The following GYG2 variants were observed in gnomAD, a reference collection of about 807,000 sequenced individuals.
The protein encoded by GYG2 is glycogenin 2.
GYG2 carries 29 observed loss-of-function variants against 29.4 expected under a neutral mutation model. The ratio of observed to expected loss-of-function variants is 0.99; its 90% CI spans 0.74 to 1.35. The LOEUF is 1.35. Ranked by LOEUF, GYG2 falls within the 40% of genes most tolerant of loss-of-function variation. The pLI is 0.00. For synonymous variants in GYG2, 167 were observed against 172.3 expected, an observed-to-expected ratio of 0.97 and a Z score of 0.24; for missense variants, 370 against 385.7, an observed-to-expected ratio of 0.96 and a Z score of 0.34.
intron 2 of GYG2, among the ~76,000 whole-genome samples, chrX:2,838,820 T>C (rs1417897960): frequency 8.9e-6 from 1 of 111,890 alleles, no homozygotes; most frequent in Non-Finnish European, 1.9e-5. Context: ...AGTGATCTTT[T>C]CTATAGCATT....
intron 2 of GYG2, among the ~76,000 whole-genome samples, chrX:2,838,087 C>T (rs1304277576): frequency 1.8e-5 from 2 of 111,097 alleles, no homozygotes; most frequent in Non-Finnish European, 3.8e-5. Flanking sequence ...GAAACACATA[C>T]TGAAATAACT....
intron 5 of GYG2, 39 bp downstream of exon 5, chrX:2,855,194 C>T: frequency 1.8e-6 from 2 of 1,135,291 alleles, no homozygotes; most frequent in Non-Finnish European, 2.4e-6. Context: ...GTCTCTGTTG[C>T]ACACACTCAA....
intron 3 of GYG2, among the ~76,000 whole-genome samples, chrX:2,851,095 A>G (rs1038765383): frequency 8.9e-6 from 1 of 112,460 alleles, no homozygotes; most frequent in Admixed American, 9.4e-5. Context: ...GAAAATAAAC[A>G]TAAAATCCGG....
intron 2 of GYG2, among the ~76,000 whole-genome samples, chrX:2,831,829 A>G (rs1250188342): frequency 8.9e-6 from 1 of 112,132 alleles, no homozygotes; most frequent in Non-Finnish European, 1.9e-5. Flanking sequence ...AGGGGTAGAA[A>G]GAAACTGTTG....
At chrX:2,856,772 C>CTATG in intron 6 of GYG2, 148 bp downstream of exon 6, 1 of 391,620 alleles carries the variant, frequency 2.6e-6, no homozygotes, top group African/African-American at 3.0e-5. Flanking sequence ...ATCTATCTAT[C>CTATG]TATCTATCTA....
Position 2,882,574 on chromosome X carries a change from G to C in GYG2, c.*1361G>C, listed in dbSNP as rs2147291471. ...TGGGTGGTTAATAATCGTCAGTCTCGGAGGGCGAGGCTCGTAGGATATTTC... is the reference window on the plus strand; with the variant it reads ...TGGGTGGTTAATAATCGTCAGTCTCCGAGGGCGAGGCTCGTAGGATATTTC... On this transcript the variant is annotated 3_prime_UTR_variant, in exon 11 of 11. Transcript: ENST00000398806. The C allele has an allele frequency of 9.1e-6, 1 of 109,616 alleles. No homozygotes were observed. The highest frequency in any genetic ancestry group is 4.3e-4 in the South Asian group (1 of 2,345). 9.0% of individuals were successfully genotyped at this position (109,616 alleles called of 1,213,427 possible). A position where few individuals can be genotyped will look rare whatever the true frequency, so the allele number is the denominator to read the frequency against.
Position 2,844,574 on chromosome X carries a change from A to G in GYG2, c.149+1220A>G, listed in dbSNP as rs1164507557. 1.8e-4 allele frequency among the ~76,000 whole-genome samples: 13 copies of G among 71,427 alleles called. 1 individual carries two copies. Among genetic ancestry groups the G allele is most frequent in the South Asian group, 7.9e-4 (1 of 1,271 alleles). The allele number at this position is 71,427 out of a possible 115,157, so 62.0% of individuals were successfully genotyped here. Reference sequence around the variant, plus strand: ...CACGCATGCGTATATGTGTATACGCACACGCATGCGTATATGTGTATACGC... The same window carrying G: ...CACGCATGCGTATATGTGTATACGCGCACGCATGCGTATATGTGTATACGC... On this transcript the variant is annotated intron_variant, in intron 3 of 10. Transcript: ENST00000398806.
intron 2 of GYG2, among the ~76,000 whole-genome samples, chrX:2,840,369 G>C (rs1298909105): frequency 9.0e-6 from 1 of 111,604 alleles, no homozygotes; most frequent in Non-Finnish European, 1.9e-5. Flanking sequence ...CCGAATGCCT[G>C]CTTCCTCTCC....
At chrX:2,865,172 A>G (rs750902559) in intron 8 of GYG2, among the ~76,000 whole-genome samples, 58 of 111,500 alleles carry the variant, frequency 5.2e-4, no homozygotes, top group Non-Finnish European at 8.8e-4. Flanking sequence ...CAGCCCCTGG[A>G]GGGATTTCCA....
intron 2 of GYG2, among the ~76,000 whole-genome samples, chrX:2,842,553 C>T (rs189935748): frequency 2.3e-3 from 261 of 111,090 alleles, no homozygotes; most frequent in African/African-American, 8.3e-3. Context: ...GGTCATCAAG[C>T]CATCACTTCC....
Position 2,830,118 on chromosome X carries a change from G to T in GYG2, c.-71G>T. ...CGCCTCTGCTCTGCGGGTTCGTGGC[G>T]AGGAAGTCCACCCACTGCTCCCGGG... On this transcript the variant is annotated 5_prime_UTR_variant, in exon 2 of 11. Transcript: ENST00000398806. 3.6e-6 allele frequency: 4 copies of T among 1,107,467 alleles called. No individual in the cohort carries two copies. Among genetic ancestry groups the T allele is most frequent in the Middle Eastern group, 2.4e-4 (1 of 4,101 alleles). 91.3% of individuals were successfully genotyped at this position (1,107,467 alleles called of 1,213,427 possible).
At chrX:2,872,672 G>A (rs989788348) in intron 8 of GYG2, among the ~76,000 whole-genome samples, 8 of 112,316 alleles carry the variant, frequency 7.1e-5, no homozygotes, top group African/African-American at 2.3e-4. Flanking sequence ...TGTGTTTATC[G>A]TTGGGAGAAA....
intron 3 of GYG2, among the ~76,000 whole-genome samples, chrX:2,846,022 C>CACACATATATACACATATATATATAT (rs1569058664): frequency 5.5e-5 from 4 of 72,456 alleles, no homozygotes; most frequent in Admixed American, 1.9e-4. Flanking sequence ...TATACACACA[C>CACACATATATACACATATATATATAT]ACATATATAT....
chrX:2,871,644 G>A (rs184887810), intron 8 of GYG2, among the ~76,000 whole-genome samples: 55 of 110,710 alleles, frequency 5.0e-4, no homozygotes, highest in African/African-American at 1.7e-3. Flanking sequence ...GAGCCGAGAT[G>A]GTGCCACTGC....
intron 8 of GYG2, among the ~76,000 whole-genome samples, chrX:2,867,911 C>T (rs772225976): frequency 9.9e-5 from 11 of 111,017 alleles, no homozygotes; most frequent in Non-Finnish European, 1.7e-4. Flanking sequence ...GCCTGGCCAA[C>T]ACGGTGAAAC....
Position 2,867,025 on chromosome X carries a change from AGGAGGAGATGAAGATCACCCTTGCAG to A in GYG2, c.1038+5305_1038+5330del, listed in dbSNP as rs745812834. Among the ~76,000 whole-genome samples, 55 of 110,678 alleles carry A rather than the reference AGGAGGAGATGAAGATCACCCTTGCAG, an allele frequency of 5.0e-4. 1 individual carries two copies. Among genetic ancestry groups the A allele is most frequent in the South Asian group, 3.9e-4 (1 of 2,542 alleles). On this transcript the variant is annotated intron_variant, in intron 8 of 10. Transcript: ENST00000398806. ...GTTTCCAGGGCCCAGAACAAGACCC[AGGAGGAGATGAAGATCACCCTTGCAG>A]GTAGAAGCTGTCCCTGTCTGGGTAG...
chrX:2,843,759 A>C (rs2087559370), intron 3 of GYG2, among the ~76,000 whole-genome samples: 1 of 111,576 alleles, frequency 9.0e-6, no homozygotes, highest in African/African-American at 3.3e-5. Context: ...CCTTCTAAGT[A>C]GCTGGGACCA....
intron 3 of GYG2, among the ~76,000 whole-genome samples, chrX:2,844,494 G>A (rs189382910): frequency 1.5e-3 from 162 of 105,875 alleles, no homozygotes; most frequent in African/African-American, 4.2e-3. Flanking sequence ...GTATATGCAC[G>A]CGTGTGCGTA....
At position 2,844,585 on chromosome X, in the gene GYG2, T is replaced by C. The variant is rs749423450; in HGVS notation, c.149+1231T>C. Reference sequence around the variant, plus strand: ...ATATGTGTATACGCACACGCATGCGTATATGTGTATACGCACACGCATGCG... The same window carrying C: ...ATATGTGTATACGCACACGCATGCGCATATGTGTATACGCACACGCATGCG... On this transcript the variant is annotated intron_variant, in intron 3 of 10. Transcript: ENST00000398806. Among the ~76,000 whole-genome samples the C allele has an allele frequency of 1.5e-3, 104 of 69,254 alleles. 4 individuals are homozygous for C. Among genetic ancestry groups the C allele is most frequent in the African/African-American group, 5.6e-3 (95 of 17,110 alleles). 60.1% of individuals were successfully genotyped at this position (69,254 alleles called of 115,157 possible).
Sources: allele counts gnomAD v4.1 joint callset (sites outside exome capture counted in the v4.1 genomes callset), GRCh38; gene constraint gnomAD v4.1.1; transcripts MANE v1.5; gene names NCBI Gene and HGNC (gene_info 2026-07-23, HGNC 2026-07-21).